NALF1: variants seen among roughly 807,000 people sequenced by gnomAD.
NALF1 encodes family with sequence similarity 155 member A.
A neutral mutation model predicts 48.4 loss-of-function variants in NALF1; 3 were observed. That is an observed-to-expected ratio of 0.06 (90% CI 0.03 to 0.16). NALF1 has a LOEUF of 0.16. Ranked by LOEUF, NALF1 falls within the 10% of genes least tolerant of loss-of-function variation. The probability of loss-of-function intolerance (pLI) is 1.00; values close to 1 mark genes in which losing one functional copy is unlikely to be tolerated. For synonymous variants in NALF1, 262 were observed against 245.7 expected, an observed-to-expected ratio of 1.07 and a Z score of -0.62; for missense variants, 526 against 571.5, an observed-to-expected ratio of 0.92 and a Z score of 0.81.
intron 1 of NALF1, among the ~76,000 whole-genome samples, chr13:107,455,861 CTCTT>C (rs758121453): frequency 1.7e-4 from 24 of 145,362 alleles, no homozygotes; most frequent in Non-Finnish European, 3.1e-4. Context: ...AGCTCGATAA[CTCTT>C]TTTTTTTTTT....
At chr13:107,228,677 T>C (rs1880157691) in intron 1 of NALF1, among the ~76,000 whole-genome samples, 1 of 152,168 alleles carries the variant, frequency 6.6e-6, no homozygotes, top group Admixed American at 6.5e-5. Context: ...TGGAGTACAA[T>C]GGCCCGATCT....
At chr13:107,274,776 T>C (rs1450056367) in intron 1 of NALF1, among the ~76,000 whole-genome samples, 1 of 152,140 alleles carries the variant, frequency 6.6e-6, no homozygotes, top group Non-Finnish European at 1.5e-5. Flanking sequence ...TAGTATTATA[T>C]TGGCACACTG....
chr13:107,420,395 A>C (rs114255952), intron 1 of NALF1, among the ~76,000 whole-genome samples: 3 of 152,306 alleles, frequency 2.0e-5, no homozygotes, highest in Admixed American at 6.5e-5. Flanking sequence ...AATAATAATT[A>C]TGTTAATTGT....
At chr13:107,642,694 A>T (rs1301365016) in intron 1 of NALF1, among the ~76,000 whole-genome samples, 3 of 152,216 alleles carry the variant, frequency 2.0e-5, no homozygotes, top group African/African-American at 7.2e-5. Flanking sequence ...TAAAAAGATC[A>T]CAAAGACCCA....
chr13:107,779,611 G>C (rs1389850457), intron 1 of NALF1, among the ~76,000 whole-genome samples: 1 of 152,138 alleles, frequency 6.6e-6, no homozygotes, highest in Non-Finnish European at 1.5e-5. Flanking sequence ...ACAAAAGTGC[G>C]TTGATTCCTG....
intron 1 of NALF1, among the ~76,000 whole-genome samples, chr13:107,387,861 A>G (rs1017726268): frequency 2.6e-5 from 4 of 152,240 alleles, no homozygotes; most frequent in Non-Finnish European, 5.9e-5. Flanking sequence ...ACCCTTGAGT[A>G]ACTCACAGTG....
chr13:107,209,051 C>T (rs1296652524), intron 2 of NALF1, among the ~76,000 whole-genome samples: 2 of 152,172 alleles, frequency 1.3e-5, no homozygotes, highest in African/African-American at 4.8e-5. Flanking sequence ...ATCTGTAATC[C>T]TTGCAGCATA....
At chr13:107,751,927 C>CAA in intron 1 of NALF1, among the ~76,000 whole-genome samples, 1 of 151,996 alleles carries the variant, frequency 6.6e-6, no homozygotes, top group South Asian at 2.1e-4. Flanking sequence ...TTTACCTCTG[C>CAA]TTATATTAAT....
chr13:107,402,809 C>T (rs1343562067), intron 1 of NALF1, among the ~76,000 whole-genome samples: 2 of 152,068 alleles, frequency 1.3e-5, no homozygotes, highest in Non-Finnish European at 2.9e-5. Context: ...GATATATGAA[C>T]TGACCATATG....
intron 2 of NALF1, among the ~76,000 whole-genome samples, chr13:107,175,637 A>G (rs573956919): frequency 1.3e-5 from 2 of 152,246 alleles, no homozygotes; most frequent in African/African-American, 2.4e-5. Flanking sequence ...TCTCTGTCAA[A>G]TGCATTTCTG....
At chr13:107,810,220 T>C (rs577819338) in intron 1 of NALF1, among the ~76,000 whole-genome samples, 1 of 152,248 alleles carries the variant, frequency 6.6e-6, no homozygotes, top group South Asian at 2.1e-4. Context: ...ACCCATACTC[T>C]ACATATGACT....
At chr13:107,471,158 T>C (rs1400788118) in intron 1 of NALF1, among the ~76,000 whole-genome samples, 2 of 152,222 alleles carry the variant, frequency 1.3e-5, no homozygotes, top group Admixed American at 1.3e-4. Context: ...GTATAACTTA[T>C]GGCATGTGTG....
At chr13:107,397,144 G>C (rs1368327257) in intron 1 of NALF1, among the ~76,000 whole-genome samples, 1 of 152,156 alleles carries the variant, frequency 6.6e-6, no homozygotes, top group Admixed American at 6.5e-5. Flanking sequence ...CAGCCCAGCA[G>C]GGAAGCTGCA....
chr13:107,785,563 G>A (rs1010437626), intron 1 of NALF1, among the ~76,000 whole-genome samples: 9 of 151,948 alleles, frequency 5.9e-5, no homozygotes, highest in Non-Finnish European at 8.8e-5. Context: ...GTGAGAGAGG[G>A]GTAACAGATA....
chr13:107,630,371 T>C (rs556529672), intron 1 of NALF1, among the ~76,000 whole-genome samples: 1 of 152,076 alleles, frequency 6.6e-6, no homozygotes, highest in Admixed American at 6.6e-5. Flanking sequence ...TGAACTATTT[T>C]TTCTCCCTGA....
At chr13:107,479,895 A>G (rs753830427) in intron 1 of NALF1, among the ~76,000 whole-genome samples, 1 of 152,092 alleles carries the variant, frequency 6.6e-6, no homozygotes, top group East Asian at 1.9e-4. Context: ...TGAAAGTCAC[A>G]CACAGTTACT....
At chr13:107,757,892 G>C (rs1877157200) in intron 1 of NALF1, among the ~76,000 whole-genome samples, 1 of 152,082 alleles carries the variant, frequency 6.6e-6, no homozygotes, top group South Asian at 2.1e-4. Context: ...CATCATCCTT[G>C]ATGGTTATTG....
chr13:107,412,501 T>C (rs1055722758), intron 1 of NALF1, among the ~76,000 whole-genome samples: 4 of 149,278 alleles, frequency 2.7e-5, no homozygotes, highest in East Asian at 2.0e-4. Context: ...ACTGAACTCA[T>C]AGATTGCTGG....
chr13:107,337,711 G>C (rs942152062), intron 1 of NALF1, among the ~76,000 whole-genome samples: 1 of 152,100 alleles, frequency 6.6e-6, no homozygotes, highest in African/African-American at 2.4e-5. Context: ...GTTAAGAAAA[G>C]TATCCAGGGA....
Sources: allele counts gnomAD v4.1 joint callset (sites outside exome capture counted in the v4.1 genomes callset), GRCh38; gene constraint gnomAD v4.1.1; transcripts MANE v1.5; gene names NCBI Gene and HGNC (gene_info 2026-07-23, HGNC 2026-07-21).